REDIC1: variants seen among roughly 807,000 people sequenced by gnomAD.
The protein encoded by REDIC1 is regulator of DNA class I crossover intermediates 1, also known as HEI10 Interacting Protein 1.
At chr12:39,672,440 A>G in the REDIC1 span, among the ~76,000 whole-genome samples, 1 of 152,076 alleles carries the variant, frequency 6.6e-6, no homozygotes, top group Admixed American at 6.6e-5. Flanking sequence ...TATCTTTGGT[A>G]GCTGCCTGAG....
At chr12:39,902,109 G>A in the REDIC1 span, among the ~76,000 whole-genome samples, 2 of 148,582 alleles carry the variant, frequency 1.3e-5, no homozygotes, top group South Asian at 2.2e-4. Flanking sequence ...ACCAAACACC[G>A]CATGTTCTCA....
chr12:39,652,049 C>T, the REDIC1 span, among the ~76,000 whole-genome samples: 3 of 152,032 alleles, frequency 2.0e-5, no homozygotes, highest in Admixed American at 6.6e-5. Flanking sequence ...TTTTGAAATT[C>T]ATCTATGTTG....
chr12:39,670,743 CTTT>C, the REDIC1 span, among the ~76,000 whole-genome samples: 1 of 145,962 alleles, frequency 6.9e-6, no homozygotes. Context: ...ATTTCTTCTT[CTTT>C]TTTTTTTTTT....
the REDIC1 span, among the ~76,000 whole-genome samples, chr12:39,718,918 G>T: frequency 6.6e-6 from 1 of 152,016 alleles, no homozygotes; most frequent in Admixed American, 6.6e-5. Context: ...GCTTTAAGTT[G>T]TCATATAATG....
chr12:39,878,074 G>C, the REDIC1 span, among the ~76,000 whole-genome samples: 24 of 152,126 alleles, frequency 1.6e-4, no homozygotes, highest in Non-Finnish European at 3.1e-4. Context: ...GGCTTCCTAA[G>C]GCCTCCCAAG....
chr12:39,711,626 CGT>C, the REDIC1 span, among the ~76,000 whole-genome samples: 104 of 52,006 alleles, frequency 2.0e-3, no homozygotes, highest in African/African-American at 3.3e-3. Flanking sequence ...TGTGTATACA[CGT>C]ATGTGTATAT....
At chr12:39,794,790 A>T in the REDIC1 span, among the ~76,000 whole-genome samples, 149,601 of 152,324 alleles carry the variant, frequency 0.98, 73,468 homozygotes, top group East Asian at 1. Context: ...CATTCTTTGC[A>T]CAATTAAACT....
the REDIC1 span, among the ~76,000 whole-genome samples, chr12:39,790,357 C>G: frequency 2.1e-5 from 3 of 144,000 alleles, no homozygotes; most frequent in African/African-American, 7.7e-5. Flanking sequence ...TCTCCCAATG[C>G]TATCCCTCCC....
chr12:39,875,217 C>G, the REDIC1 span, among the ~76,000 whole-genome samples: 5 of 152,204 alleles, frequency 3.3e-5, no homozygotes, highest in Admixed American at 2.0e-4. Context: ...AGCTCTGTCC[C>G]TTCCTGGAAG....
chr12:39,713,862 C>T, the REDIC1 span, among the ~76,000 whole-genome samples: 4 of 147,448 alleles, frequency 2.7e-5, no homozygotes, highest in Non-Finnish European at 4.5e-5. Context: ...TATATACATA[C>T]ATATATATGT....
the REDIC1 span, among the ~76,000 whole-genome samples, chr12:39,823,563 T>C: frequency 1.3e-5 from 2 of 152,174 alleles, no homozygotes; most frequent in Non-Finnish European, 2.9e-5. Context: ...CAGTGAATAT[T>C]TTCAGGAAAT....
chr12:39,718,971 C>T, the REDIC1 span, among the ~76,000 whole-genome samples: 502 of 152,186 alleles, frequency 3.3e-3, 3 homozygotes, highest in African/African-American at 0.011. Flanking sequence ...AACGGTATGC[C>T]TTTGTCATAG....
At chr12:39,742,796 C>T in the REDIC1 span, among the ~76,000 whole-genome samples, 7 of 152,022 alleles carry the variant, frequency 4.6e-5, no homozygotes, top group African/African-American at 1.2e-4. Context: ...CTCTTCTATG[C>T]GAAAAGCAAG....
At chr12:39,741,220 T>C in the REDIC1 span, among the ~76,000 whole-genome samples, 1 of 152,202 alleles carries the variant, frequency 6.6e-6, no homozygotes, top group Non-Finnish European at 1.5e-5. Context: ...ACAATTTCGT[T>C]TGCCTTCAGA....
chr12:39,754,995 G>GA, the REDIC1 span: 2 of 151,804 alleles, frequency 1.3e-5, no homozygotes, highest in Non-Finnish European at 2.9e-5. Context: ...AAGATAACTA[G>GA]AAAAAATAAA....
chr12:39,653,284 G>A, the REDIC1 span, among the ~76,000 whole-genome samples: 112 of 151,492 alleles, frequency 7.4e-4, no homozygotes, highest in Non-Finnish European at 1.1e-3. Context: ...TTATGCTTTC[G>A]TAAATGGAAT....
chr12:39,636,379 A>G, the REDIC1 span, among the ~76,000 whole-genome samples: 28 of 152,090 alleles, frequency 1.8e-4, no homozygotes, highest in Non-Finnish European at 3.2e-4. Context: ...AAGGGAAGTT[A>G]CTTAAAAGCC....
the REDIC1 span, among the ~76,000 whole-genome samples, chr12:39,824,193 A>C: frequency 6.6e-6 from 1 of 152,226 alleles, no homozygotes; most frequent in Non-Finnish European, 1.5e-5. Context: ...TATCATATAA[A>C]CTATACAGGT....
At chr12:39,701,524 G>T in the REDIC1 span, among the ~76,000 whole-genome samples, 1 of 152,204 alleles carries the variant, frequency 6.6e-6, no homozygotes. Context: ...ACATTAGACA[G>T]ATCAATGAGA....
Sources: allele counts gnomAD v4.1 joint callset (sites outside exome capture counted in the v4.1 genomes callset), GRCh38; gene constraint gnomAD v4.1.1; transcripts MANE v1.5; gene names NCBI Gene and HGNC (gene_info 2026-07-23, HGNC 2026-07-21).